TMEM132C: variants seen among roughly 807,000 people sequenced by gnomAD.
TMEM132C encodes the protein transmembrane protein 132C.
A neutral mutation model predicts 61.4 loss-of-function variants in TMEM132C; 29 were observed. That is an observed-to-expected ratio of 0.47 (90% CI 0.35 to 0.64). TMEM132C has a LOEUF of 0.64. Ranked by LOEUF, TMEM132C falls within the 30% of genes least tolerant of loss-of-function variation. The pLI, the probability that TMEM132C is intolerant of heterozygous loss-of-function variation, is 0.00. For missense variants in TMEM132C, 1,408 were observed against 1,476.9 expected, an observed-to-expected ratio of 0.95 and a Z score of 0.76; for synonymous variants, 656 against 633.1, an observed-to-expected ratio of 1.04 and a Z score of -0.54.
In TMEM132C at chr12:128,520,970, C is replaced by G. The variant is rs1030989786; in HGVS notation, c.975-22987C>G. ...TCCCCTGAGTCTGCCTCTAGCTTCCCTATCTTAGTGCACCTGAAAGGAAAG... is the reference window on the plus strand; with the variant it reads ...TCCCCTGAGTCTGCCTCTAGCTTCCGTATCTTAGTGCACCTGAAAGGAAAG... On this transcript the variant is annotated intron_variant, in intron 2 of 8. Transcript: ENST00000435159. Among the ~76,000 whole-genome samples the G allele has an allele frequency of 1.3e-4, 19 of 151,952 alleles. 1 individual carries two copies. Among genetic ancestry groups the G allele is most frequent in the African/African-American group, 3.4e-4 (14 of 41,386 alleles).
At chr12:128,434,171 T>G (rs1298126627) in intron 2 of TMEM132C, among the ~76,000 whole-genome samples, 1 of 152,208 alleles carries the variant, frequency 6.6e-6, no homozygotes, top group Non-Finnish European at 1.5e-5. Context: ...CAGCTAACAA[T>G]GCTTAACCAA....
chr12:128,380,916 C>T (rs1874379298), intron 1 of TMEM132C, among the ~76,000 whole-genome samples: 1 of 152,206 alleles, frequency 6.6e-6, no homozygotes, highest in South Asian at 2.1e-4. Context: ...TCATGGCCAA[C>T]TGCACCGTAA....
At chr12:128,648,691 TGTGA>T (rs1360380436) in intron 4 of TMEM132C, among the ~76,000 whole-genome samples, 2 of 151,170 alleles carry the variant, frequency 1.3e-5, no homozygotes, top group Non-Finnish European at 2.9e-5. Flanking sequence ...CAGCATTGGA[TGTGA>T]GTGTGTTTAG....
At position 128,705,466 on chromosome 12, in the gene TMEM132C, G is replaced by C; in HGVS notation, c.2498G>C (p.Arg833Pro). 6.4e-7 allele frequency: 1 copy of C among 1,551,030 alleles called. No individual in the cohort carries two copies. The highest frequency in any genetic ancestry group is 8.7e-7 in the Non-Finnish European group (1 of 1,146,914). The change falls in exon 9 of 9, where the codon CGC (arginine) becomes CCC (proline). Residue 833 changes from arginine to proline, a missense_variant. Arg to Pro is a moderately radical substitution (Grantham distance 103). Coordinates refer to ENST00000435159, the MANE Select transcript of TMEM132C (RefSeq NM_001136103.3). ...DRRQKGQHHE[R>P]TGQDGHLYGS... ...CGGCAGAAGGGCCAGCACCATGAGCGCACAGGCCAAGATGGGCACCTCTAT... is the reference window on the plus strand; with the variant it reads ...CGGCAGAAGGGCCAGCACCATGAGCCCACAGGCCAAGATGGGCACCTCTAT...
At chr12:128,488,336 A>G (rs980367377) in intron 2 of TMEM132C, among the ~76,000 whole-genome samples, 3 of 152,210 alleles carry the variant, frequency 2.0e-5, no homozygotes, top group African/African-American at 7.2e-5. Flanking sequence ...GCAAATTAAC[A>G]TTATGCATAT....
chr12:128,627,582 C>T (rs376642123), intron 4 of TMEM132C, among the ~76,000 whole-genome samples: 23 of 152,264 alleles, frequency 1.5e-4, no homozygotes, highest in African/African-American at 5.5e-4. Context: ...GAAACAGCAA[C>T]GAGCATAACA....
chr12:128,282,548 C>T (rs1026299085), intron 1 of TMEM132C, among the ~76,000 whole-genome samples: 1 of 152,214 alleles, frequency 6.6e-6, no homozygotes, highest in Admixed American at 6.5e-5. Flanking sequence ...TACCCCCCTC[C>T]TCATGATCCA....
intron 1 of TMEM132C, among the ~76,000 whole-genome samples, chr12:128,314,868 C>T (rs1872094009): frequency 6.6e-6 from 1 of 152,114 alleles, no homozygotes; most frequent in Non-Finnish European, 1.5e-5. Context: ...AGTGTGGGCC[C>T]TTTGTTAGGC....
rs188056111 is a variant in TMEM132C at position 128,551,074 on chromosome 12, C to T, written c.1121+6971C>T. ...CTGCAATGTGAACTATTTCCCTCTC[C>T]CCTTCTCCCTTTCCAGTTTCTCCTG... On this transcript the variant is annotated intron_variant, in intron 3 of 8. Coordinates refer to ENST00000435159, the MANE Select transcript of TMEM132C (RefSeq NM_001136103.3). Among the ~76,000 whole-genome samples the T allele has an allele frequency of 3.3e-5, 5 of 152,298 alleles. No homozygotes were observed. The East Asian group carries it at 7.7e-4, about 24-fold the overall frequency.
At chr12:128,553,215 C>T (rs1457769546) in intron 3 of TMEM132C, among the ~76,000 whole-genome samples, 1 of 152,230 alleles carries the variant, frequency 6.6e-6, no homozygotes, top group Non-Finnish European at 1.5e-5. Flanking sequence ...TGTTGGGCCA[C>T]ATTCAAAGCT....
At chr12:128,677,499 C>T (rs1276105656) in intron 5 of TMEM132C, among the ~76,000 whole-genome samples, 1 of 152,106 alleles carries the variant, frequency 6.6e-6, no homozygotes, top group Non-Finnish European at 1.5e-5. Flanking sequence ...ATGGGGTGGT[C>T]CTCAAGGAGG....
At chr12:128,546,818 A>G (rs1254446621) in intron 3 of TMEM132C, among the ~76,000 whole-genome samples, 1 of 152,180 alleles carries the variant, frequency 6.6e-6, no homozygotes, top group Non-Finnish European at 1.5e-5. Context: ...CAAAACCTTC[A>G]CTTAATCACA....
At chr12:128,445,062 C>T (rs1001586144) in intron 2 of TMEM132C, among the ~76,000 whole-genome samples, 1 of 152,142 alleles carries the variant, frequency 6.6e-6, no homozygotes, top group Non-Finnish European at 1.5e-5. Flanking sequence ...TAAGAGTTAA[C>T]CTGTATCTGG....
At chr12:128,614,972 C>T (rs1204147607) in intron 3 of TMEM132C, among the ~76,000 whole-genome samples, 1 of 152,200 alleles carries the variant, frequency 6.6e-6, no homozygotes, top group African/African-American at 2.4e-5. Context: ...ATGCCAGGGG[C>T]ACCCCACAGC....
chr12:128,302,373 T>C (rs1054747593), intron 1 of TMEM132C, among the ~76,000 whole-genome samples: 1 of 152,216 alleles, frequency 6.6e-6, no homozygotes, highest in African/African-American at 2.4e-5. Context: ...TAGCAAAACA[T>C]GCAAAATCAG....
chr12:128,650,500 G>A (rs1954257422), intron 4 of TMEM132C, among the ~76,000 whole-genome samples: 1 of 152,118 alleles, frequency 6.6e-6, no homozygotes, highest in Non-Finnish European at 1.5e-5. Context: ...GAGGTGGGAG[G>A]ATTGCTTGAG....
Position 128,669,446 on chromosome 12 carries a change from C to A in TMEM132C, c.1335C>A (p.Leu445=). 1 of 1,551,608 alleles carries A rather than the reference C, an allele frequency of 6.4e-7. No homozygotes were observed. Residue 445 remains leucine (L), a synonymous_variant, in exon 5 of 9, where the codon CTC becomes CTA. Transcript: ENST00000435159. ...CTGAAATTCTGAACACCGCCGTACT[C>A]ACAGGAAAGACAGTTGCCATGCCTA... The part of the protein sequence containing the change: ...MDTEILNTAV[L]TGKTVAMPIK...
At chr12:128,593,588 G>T (rs1354702456) in intron 3 of TMEM132C, among the ~76,000 whole-genome samples, 1 of 152,194 alleles carries the variant, frequency 6.6e-6, no homozygotes, top group East Asian at 1.9e-4. Context: ...TGCTCCAGCA[G>T]CTCTGTGCAC....
At chr12:128,498,554 AAT>A (rs907869254) in intron 2 of TMEM132C, among the ~76,000 whole-genome samples, 2 of 152,096 alleles carry the variant, frequency 1.3e-5, no homozygotes, top group Non-Finnish European at 2.9e-5. Flanking sequence ...GCATGCCTGT[AAT>A]CCCAGCTACT....
Sources: allele counts gnomAD v4.1 joint callset (sites outside exome capture counted in the v4.1 genomes callset), GRCh38; gene constraint gnomAD v4.1.1; transcripts MANE v1.5; gene names NCBI Gene and HGNC (gene_info 2026-07-23, HGNC 2026-07-21).